DOCK4: variants seen among roughly 807,000 people sequenced by gnomAD.
DOCK4 encodes the protein dedicator of cytokinesis 4, also known as dedicator of cytokinesis protein 4.
A neutral mutation model predicts 268.1 loss-of-function variants in DOCK4; 97 were observed. The observed-to-expected ratio is 0.36, with a 90% CI of 0.31 to 0.43. The LOEUF (loss-of-function observed/expected upper bound fraction) is 0.43, where lower values mean the gene tolerates loss of function less well. Among genes scored for constraint, DOCK4 ranks in the 20% least tolerant of loss-of-function variants. The pLI is 1.00. For missense variants in DOCK4, 2,145 were observed against 2,455.7 expected (o/e 0.87, Z 2.67); for synonymous variants, 954 against 887.2 (o/e 1.08, Z -1.34).
At chr7:111,839,194 G>A (rs1235109766) in intron 25 of DOCK4, among the ~76,000 whole-genome samples, 1 of 152,040 alleles carries the variant, frequency 6.6e-6, no homozygotes, top group Non-Finnish European at 1.5e-5. Flanking sequence ...GAGGTTTTTG[G>A]TTATAATTAC....
At chr7:111,861,260 G>C (rs1466653216) in intron 23 of DOCK4, among the ~76,000 whole-genome samples, 1 of 152,126 alleles carries the variant, frequency 6.6e-6, no homozygotes, top group Non-Finnish European at 1.5e-5. Flanking sequence ...TTTTTATTGG[G>C]AGAAATCGGA....
At chr7:111,784,526 GCACT>G (rs780611880) in intron 32 of DOCK4, 10 of 459,716 alleles carry the variant, frequency 2.2e-5, no homozygotes, top group Admixed American at 7.1e-5. Flanking sequence ...TACTATCTGT[GCACT>G]CACTCAACAG....
chr7:111,851,518 G>C (rs192861451), intron 23 of DOCK4, among the ~76,000 whole-genome samples: 7 of 150,420 alleles, frequency 4.7e-5, no homozygotes, highest in Admixed American at 1.3e-4. Flanking sequence ...GTTAGATACA[G>C]ATTTCTTAAA....
intron 1 of DOCK4, among the ~76,000 whole-genome samples, chr7:112,115,238 A>G (rs570922027): frequency 2.0e-5 from 3 of 152,374 alleles, no homozygotes; most frequent in Non-Finnish European, 4.4e-5. Context: ...AAAAAAATCT[A>G]TTCCAAAGCT....
chr7:111,898,303 T>C (rs139139600), intron 15 of DOCK4, among the ~76,000 whole-genome samples: 1 of 152,336 alleles, frequency 6.6e-6, no homozygotes, highest in East Asian at 1.9e-4. Context: ...CCAGACAGAA[T>C]AGTCTCAATG....
At chr7:112,083,000 T>C (rs575735520) in intron 1 of DOCK4, among the ~76,000 whole-genome samples, 19 of 152,242 alleles carry the variant, frequency 1.2e-4, no homozygotes, top group African/African-American at 4.6e-4. Flanking sequence ...ACTTTTTGAA[T>C]AGATTAAGCA....
Position 112,173,856 on chromosome 7 carries a change from T to G in DOCK4, c.37+32246A>C, listed in dbSNP as rs188330306. Among the ~76,000 whole-genome samples the G allele has an allele frequency of 8.2e-4, 125 of 151,600 alleles. 1 individual carries two copies. Among genetic ancestry groups the G allele is most frequent in the Middle Eastern group, 3.4e-3 (1 of 294 alleles). Reference sequence around the variant, plus strand: ...CCAACAATGCAGTGACCAAAATACATAAGAGAGCAAGCAGAATACCTGTGC... The same window carrying G: ...CCAACAATGCAGTGACCAAAATACAGAAGAGAGCAAGCAGAATACCTGTGC... On this transcript the variant is annotated intron_variant, in intron 1 of 52. Transcript: ENST00000428084.
At chr7:111,928,057 TA>T (rs1793878844) in intron 12 of DOCK4, among the ~76,000 whole-genome samples, 2 of 152,148 alleles carry the variant, frequency 1.3e-5, no homozygotes, top group African/African-American at 4.8e-5. Flanking sequence ...AGACCTACTA[TA>T]AAAAAACTAA....
At chr7:111,935,183 G>C (rs1736923591) in intron 12 of DOCK4, among the ~76,000 whole-genome samples, 1 of 150,530 alleles carries the variant, frequency 6.6e-6, no homozygotes, top group Admixed American at 6.6e-5. Context: ...CCTGACTTCA[G>C]GTGATCCACT....
chr7:112,092,618 A>C (rs754652582), intron 1 of DOCK4, among the ~76,000 whole-genome samples: 18 of 152,038 alleles, frequency 1.2e-4, no homozygotes, highest in Non-Finnish European at 2.4e-4. Context: ...ATCTAAAAGA[A>C]CTCAAGTGAA....
In DOCK4 at chr7:111,762,757, G is replaced by GTTTTTTTT. The variant is rs1797499588; in HGVS notation, c.4020+2360_4020+2361insAAAAAAAA. On this transcript the variant is annotated intron_variant, in intron 39 of 52. Coordinates refer to ENST00000428084, the MANE Select transcript of DOCK4 (RefSeq NM_001363540.2). ...TTCTTTAAATAACCCATTTTGTTTT[G>GTTTTTTTT]TTTTCTTTTTTTTTTTTTTTTTTTT... 1.1e-4 allele frequency among the ~76,000 whole-genome samples: 6 copies of GTTTTTTTT among 54,996 alleles called. 1 individual carries two copies. The highest frequency in any genetic ancestry group is 4.7e-4 in the Admixed American group (2 of 4,294). The allele number at this position is 54,996 out of a possible 152,430, so 36.1% of individuals were successfully genotyped here. A position where few individuals can be genotyped will look rare whatever the true frequency, so the allele number is the denominator to read the frequency against.
At chr7:111,940,089 C>T (rs2134760129) in intron 11 of DOCK4, 21 bp downstream of exon 11, 2 of 1,613,728 alleles carry the variant, frequency 1.2e-6, no homozygotes, top group African/African-American at 1.3e-5. Context: ...CCCCAGCCAT[C>T]ACCACGTGCA....
chr7:111,772,951 G>A (rs1226329396), intron 36 of DOCK4, among the ~76,000 whole-genome samples: 1 of 152,158 alleles, frequency 6.6e-6, no homozygotes, highest in East Asian at 1.9e-4. Flanking sequence ...GGAAAAGAAG[G>A]CACTGGCAGG....
chr7:112,027,027 C>T (rs541332398), intron 1 of DOCK4, among the ~76,000 whole-genome samples: 1 of 152,266 alleles, frequency 6.6e-6, no homozygotes, highest in African/African-American at 2.4e-5. Context: ...TGGATGAACT[C>T]ATTTGCTACT....
At chr7:111,872,149 T>A (rs1380029893) in intron 19 of DOCK4, 59 bp from the exon 20 acceptor site, 12 of 1,442,694 alleles carry the variant, frequency 8.3e-6, no homozygotes, top group Non-Finnish European at 1.1e-5. Context: ...TTCCTTTTTT[T>A]TTTGCTTCTT....
chr7:111,753,026 A>T, intron 42 of DOCK4, among the ~76,000 whole-genome samples: 4 of 139,326 alleles, frequency 2.9e-5, no homozygotes, highest in Non-Finnish European at 6.1e-5. Context: ...TCTGTGATTT[A>T]GAAAATAAAG....
At chr7:111,985,471 T>G (rs1471436727) in intron 6 of DOCK4, among the ~76,000 whole-genome samples, 1 of 152,198 alleles carries the variant, frequency 6.6e-6, no homozygotes, top group Non-Finnish European at 1.5e-5. Context: ...CTTACTTTCG[T>G]ATTTTAAAAA....
At chr7:111,844,641 T>A in intron 25 of DOCK4, 122 bp downstream of exon 25, 1 of 1,276,318 alleles carries the variant, frequency 7.8e-7, no homozygotes. Context: ...CATATGATTT[T>A]GAAATGCTGA....
In DOCK4 at chr7:111,872,263, A is replaced by G. The variant is rs1586230232; in HGVS notation, c.1926+6T>C. The G allele has an allele frequency of 6.6e-7, 1 of 1,524,998 alleles. No individual in the cohort carries two copies. Among genetic ancestry groups the G allele is most frequent in the Non-Finnish European group, 8.8e-7 (1 of 1,133,322 alleles). 94.5% of individuals were successfully genotyped at this position (1,524,998 alleles called of 1,614,324 possible). ...TTAAAATACAATTAAGGGAATTTGA[A>G]CTTACCAAAGAATCAAACACTTTAG... On this transcript the variant is annotated splice_donor_region_variant and intron_variant, in intron 19 of 52. Transcript: ENST00000428084.
Sources: allele counts gnomAD v4.1 joint callset (sites outside exome capture counted in the v4.1 genomes callset), GRCh38; gene constraint gnomAD v4.1.1; transcripts MANE v1.5; gene names NCBI Gene and HGNC (gene_info 2026-07-23, HGNC 2026-07-21).